Variants in DHX34 observed in about 807,000 individuals in gnomAD.
DHX34 encodes the protein DExH-box helicase 34, also known as probable ATP-dependent RNA helicase DHX34.
In DHX34, 96 loss-of-function variants were observed where a neutral mutation model predicts 111.1. The observed-to-expected ratio is 0.86, with a 90% confidence interval of 0.73 to 1.02. DHX34 has a LOEUF of 1.02. Among genes scored for constraint, DHX34 ranks in the 50% least tolerant of loss-of-function variants. The pLI, the probability that DHX34 is intolerant of heterozygous loss-of-function variation, is 0.00. For synonymous variants in DHX34, 688 were observed against 670.4 expected (o/e 1.03, Z -0.41); for missense variants, 1,560 against 1,579.9 (o/e 0.99, Z 0.21).
At chr19:47,363,014 G>A (rs1044393271) in intron 6 of DHX34, among the ~76,000 whole-genome samples, 2 of 151,986 alleles carry the variant, frequency 1.3e-5, no homozygotes, top group East Asian at 3.9e-4. Context: ...GCAGTGGTGC[G>A]ATCTCGGCTC....
intron 10 of DHX34, 64 bp downstream of exon 10, chr19:47,375,772 G>C (rs1970130324): frequency 6.4e-7 from 1 of 1,558,562 alleles, no homozygotes; most frequent in African/African-American, 1.4e-5. Context: ...CTCCTGGGGG[G>C]GTCCCAGGGG....
chr19:47,378,855 C>T (rs779270842), intron 13 of DHX34, among the ~76,000 whole-genome samples: 7 of 151,684 alleles, frequency 4.6e-5, no homozygotes, highest in Non-Finnish European at 1.0e-4. Flanking sequence ...ATAAGCCGGG[C>T]ATGGTGGCTC....
chr19:47,366,642 G>A (rs202244619), intron 6 of DHX34, among the ~76,000 whole-genome samples: 5,798 of 95,928 alleles, frequency 0.06, no homozygotes, highest in African/African-American at 0.074. Flanking sequence ...GTGCAGAGGC[G>A]CGATCTCGGC....
At chr19:47,359,537 A>G (rs1212346161) in intron 4 of DHX34, among the ~76,000 whole-genome samples, 3 of 151,938 alleles carry the variant, frequency 2.0e-5, no homozygotes, top group African/African-American at 7.2e-5. Context: ...ATCCCAGCAC[A>G]TTGGGAGGCC....
intron 6 of DHX34, among the ~76,000 whole-genome samples, chr19:47,366,385 A>G (rs1038337746): frequency 6.6e-6 from 1 of 152,094 alleles, no homozygotes; most frequent in African/African-American, 2.4e-5. Context: ...GGTTCAAGCA[A>G]TTCTCCTGCC....
rs1017898841 is a variant in DHX34 at position 47,376,536 on chromosome 19, G to A, written c.2575G>A (p.Ala859Thr). 2 of 1,573,030 alleles carry A rather than the reference G, an allele frequency of 1.3e-6. No homozygotes were observed. Among genetic ancestry groups the A allele is most frequent in the Middle Eastern group, 1.9e-4 (1 of 5,158 alleles). Residue 859 changes from alanine to threonine, a missense_variant, in exon 12 of 17, where the codon GCC (alanine) becomes ACC (threonine). Ala to Thr is a moderately conservative substitution (Grantham distance 58, BLOSUM62 0). Coordinates refer to ENST00000328771, the MANE Select transcript of DHX34 (RefSeq NM_014681.6). ...PEVLHAQELE[A>T]SNCDGSRDDK... ...GGTGCTGCACGCACAGGAGCTGGAG[G>A]CCAGCAACTGCGACGGAAGCCGAGG...
chr19:47,375,507 C>A lies in DHX34; in HGVS notation c.2106C>A (p.Ala702=). The A allele has an allele frequency of 6.4e-7, 1 of 1,573,604 alleles. No individual in the cohort carries two copies. The highest frequency in any genetic ancestry group is 1.1e-5 in the South Asian group (1 of 87,112). Residue 702 remains alanine, a synonymous_variant, in exon 10 of 17, where the codon GCC becomes GCA. Transcript: ENST00000328771. ...EDHGLLAGAQ[A]AQVGDSYSRL... is the part of the protein sequence containing the mutation. ...ACGGGCTGCTGGCTGGGGCCCAGGC[C>A]GCGCAGGTAGGGGACAGCTACAGTC... is the stretch of plus-strand genomic sequence containing the variant.
intron 13 of DHX34, among the ~76,000 whole-genome samples, chr19:47,377,437 G>A (rs1970204408): frequency 6.8e-6 from 1 of 148,116 alleles, no homozygotes; most frequent in South Asian, 2.1e-4. Flanking sequence ...GGTGCCAAGG[G>A]CGCAGCAGGG....
intron 1 of DHX34, among the ~76,000 whole-genome samples, chr19:47,349,933 G>T (rs1969233838): frequency 6.6e-6 from 1 of 152,128 alleles, no homozygotes; most frequent in South Asian, 2.1e-4. Flanking sequence ...AGGGAGTGGA[G>T]CCCGAACCCC....
chr19:47,362,743 G>A (rs1555731833), intron 6 of DHX34, 50 bp downstream of exon 6: 5 of 1,501,222 alleles, frequency 3.3e-6, no homozygotes, highest in Non-Finnish European at 8.9e-7. Flanking sequence ...GGCACAGGGA[G>A]GAACCTGGGA....
chr19:47,358,048 C>T lies in DHX34; in HGVS notation c.1200C>T (p.Thr400=), dbSNP rs374869495. 37 of 1,612,746 alleles carry T rather than the reference C, an allele frequency of 2.3e-5. No individual in the cohort carries two copies. In the East Asian group the frequency reaches 5.3e-4, roughly 23 times the overall value. Residue 400 remains threonine, a synonymous_variant, in exon 4 of 17, where the codon ACC becomes ACT. Transcript: ENST00000328771. ...EISAVLEAAQ[T]YASHTQRWVV... ...GCGCCGTGCTGGAGGCTGCCCAGACCTATGCCAGCCACACCCAGCGCTGGG... is the reference window on the plus strand; with the variant it reads ...GCGCCGTGCTGGAGGCTGCCCAGACTTATGCCAGCCACACCCAGCGCTGGG...
In DHX34 at chr19:47,357,941, G is replaced by C; in HGVS notation, c.1093G>C (p.Val365Leu). ...EKLDPRPFLR[V>L]LESIDHKYPP... The stretch of plus-strand genomic sequence containing the variant: ...GCTGGACCCGCGGCCTTTCCTGAGG[G>C]TGCTGGAGTCCATTGACCACAAGTA... Residue 365 changes from valine to leucine, a missense_variant, in exon 4 of 17, where the codon GTG (valine) becomes CTG (leucine). Val to Leu is a conservative substitution (Grantham distance 32). Transcript: ENST00000328771. 2 of 1,614,034 alleles carry C rather than the reference G, an allele frequency of 1.2e-6. No homozygotes were observed. Among genetic ancestry groups the C allele is most frequent in the Non-Finnish European group, 1.7e-6 (2 of 1,180,054 alleles).
intron 7 of DHX34, among the ~76,000 whole-genome samples, chr19:47,370,768 C>T (rs1969940556): frequency 6.6e-6 from 1 of 152,184 alleles, no homozygotes; most frequent in Admixed American, 6.5e-5. Flanking sequence ...CCTCCACCTC[C>T]CGGGTTCAAG....
chr19:47,368,639 T>TAC (rs533434183), intron 7 of DHX34, among the ~76,000 whole-genome samples: 5,501 of 145,620 alleles, frequency 0.038, 138 homozygotes, highest in Non-Finnish European at 0.056. Context: ...TGTATATATA[T>TAC]ACACACACAC....
intron 12 of DHX34, 76 bp downstream of exon 12, chr19:47,376,636 C>G (rs755667703): frequency 6.6e-7 from 1 of 1,510,694 alleles, no homozygotes. Context: ...CCAGGCCCCT[C>G]TGGCTGGGGC....
At chr19:47,376,796 G>A in intron 12 of DHX34, 1 of 1,506,352 alleles carries the variant, frequency 6.6e-7, no homozygotes, top group Non-Finnish European at 8.8e-7. Flanking sequence ...GTGTGGCTGT[G>A]CCCAGAGAGT....
rs1599779382 is a variant in DHX34 at position 47,379,900 on chromosome 19, T to A, written c.2897T>A (p.Leu966Gln). 31 of 1,612,142 alleles carry A rather than the reference T, an allele frequency of 1.9e-5. No homozygotes were observed. The highest frequency in any genetic ancestry group is 2.6e-5 in the Non-Finnish European group (31 of 1,178,642). ...RQLAHQAQQQ[L>Q]EEEEEDTPVS... The stretch of plus-strand genomic sequence containing the variant: ...CTGGCGCACCAGGCCCAGCAGCAGC[T>A]GGAGGAGGAGGAGGAGGATACGCCA... The change falls in exon 14 of 17, where the codon CTG becomes CAG. Residue 966 changes from leucine (L) to glutamine (Q), a missense_variant. Leu to Gln is a moderately radical substitution (Grantham distance 113). Transcript: ENST00000328771.
chr19:47,358,018 GA>G lies in DHX34; in HGVS notation c.1171del (p.Ile391SerfsTer65). On this transcript the variant is annotated frameshift_variant, in exon 4 of 17. Coordinates refer to ENST00000328771, the MANE Select transcript of DHX34 (RefSeq NM_014681.6). LOFTEE classifies it high-confidence loss of function. ...LLVFLSGMAE[I>X]SAVLEAAQTY... Reference sequence around the variant, plus strand: ...TCGTCTTCCTCAGCGGCATGGCGGAGATCAGCGCCGTGCTGGAGGCTGCCCA... The same window carrying G: ...TCGTCTTCCTCAGCGGCATGGCGGAGTCAGCGCCGTGCTGGAGGCTGCCCA... 1 of 1,613,656 alleles carries G rather than the reference GA, an allele frequency of 6.2e-7. No homozygotes were observed. Among genetic ancestry groups the G allele is most frequent in the Non-Finnish European group, 8.5e-7 (1 of 1,180,046 alleles).
In DHX34 at chr19:47,358,695, A is replaced by G. The variant is rs184124286; in HGVS notation, c.1272+575A>G. 3.7e-3 allele frequency among the ~76,000 whole-genome samples: 566 copies of G among 152,074 alleles called. 1 individual carries two copies. The highest frequency in any genetic ancestry group is 0.031 in the Middle Eastern group (9 of 294). ...AGTGGCATGATCGTGGCTTACTGCA[A>G]TCTCCACCTCCCGGGTTCAAGCGAT... On this transcript the variant is annotated intron_variant, in intron 4 of 16. Coordinates refer to ENST00000328771, the MANE Select transcript of DHX34 (RefSeq NM_014681.6).
Sources: allele counts gnomAD v4.1 joint callset (sites outside exome capture counted in the v4.1 genomes callset), GRCh38; gene constraint gnomAD v4.1.1; transcripts MANE v1.5; gene names NCBI Gene and HGNC (gene_info 2026-07-23, HGNC 2026-07-21).